ANKS1B: variants seen among roughly 807,000 people sequenced by gnomAD.
ANKS1B encodes ankyrin repeat and sterile alpha motif domain containing 1B.
In ANKS1B, 36 loss-of-function variants were observed where a neutral mutation model predicts 148.3. The observed-to-expected ratio is 0.24, with a 90% confidence interval of 0.19 to 0.32. The LOEUF (loss-of-function observed/expected upper bound fraction) is 0.32. ANKS1B is among the 10% of genes least tolerant of loss of function. The pLI, the probability that ANKS1B is intolerant of heterozygous loss-of-function variation, is 1.00. For missense variants in ANKS1B, 1,157 were observed against 1,542.6 expected (o/e 0.75, Z 4.19); for synonymous variants, 542 against 560.8 (o/e 0.97, Z 0.47).
chr12:99,427,066 T>A (rs2152735199), intron 11 of ANKS1B, among the ~76,000 whole-genome samples: 1 of 152,336 alleles, frequency 6.6e-6, no homozygotes, highest in East Asian at 1.9e-4. Context: ...TACTTCGGAT[T>A]TACCCACCAA....
intron 1 of ANKS1B, among the ~76,000 whole-genome samples, chr12:99,900,143 C>G (rs1207082999): frequency 1.3e-5 from 2 of 151,900 alleles, no homozygotes; most frequent in African/African-American, 4.8e-5. Context: ...AGGTGATCCA[C>G]CTGCCTTGGC....
chr12:99,134,170 G>A (rs559214667), intron 15 of ANKS1B, among the ~76,000 whole-genome samples: 38 of 152,158 alleles, frequency 2.5e-4, no homozygotes, highest in African/African-American at 6.5e-4. Context: ...AAGAAGGAAC[G>A]TGTTACTGTA....
At chr12:99,662,754 G>A (rs1396014631) in intron 8 of ANKS1B, among the ~76,000 whole-genome samples, 2 of 152,058 alleles carry the variant, frequency 1.3e-5, no homozygotes, top group African/African-American at 4.8e-5. Context: ...CTATAGCGGA[G>A]GTGAATGGGC....
At chr12:99,914,412 T>C (rs1291140618) in intron 1 of ANKS1B, among the ~76,000 whole-genome samples, 3 of 152,044 alleles carry the variant, frequency 2.0e-5, no homozygotes, top group Non-Finnish European at 4.4e-5. Context: ...TTGAAAGACA[T>C]GTGGTAATCA....
intron 1 of ANKS1B, among the ~76,000 whole-genome samples, chr12:99,945,733 C>G (rs947692470): frequency 2.6e-5 from 4 of 152,126 alleles, no homozygotes; most frequent in Admixed American, 2.0e-4. Context: ...GGAACACAGA[C>G]TGAGCAGAAA....
At chr12:98,934,281 G>A (rs775068358) in intron 17 of ANKS1B, among the ~76,000 whole-genome samples, 7 of 152,008 alleles carry the variant, frequency 4.6e-5, no homozygotes, top group East Asian at 1.9e-4. Flanking sequence ...TCTTGGCACC[G>A]TTTGTGATGA....
chr12:99,483,739 T>C (rs1245344777), intron 10 of ANKS1B, among the ~76,000 whole-genome samples: 1 of 152,116 alleles, frequency 6.6e-6, no homozygotes, highest in Non-Finnish European at 1.5e-5. Context: ...GTGGTGTATG[T>C]TTCCAGGAAT....
At chr12:98,819,446 ACT>A (rs2099166999) in intron 19 of ANKS1B, among the ~76,000 whole-genome samples, 1 of 152,136 alleles carries the variant, frequency 6.6e-6, no homozygotes, top group Admixed American at 6.5e-5. Flanking sequence ...TCTTAAAAAA[ACT>A]CTTCCCAGCA....
intron 14 of ANKS1B, among the ~76,000 whole-genome samples, chr12:99,227,301 C>A (rs1032451093): frequency 2.0e-5 from 3 of 152,166 alleles, no homozygotes; most frequent in Non-Finnish European, 2.9e-5. Flanking sequence ...CCCGCTTTGA[C>A]ACCCTCTACC....
chr12:98,892,721 A>C (rs778678732), intron 17 of ANKS1B, among the ~76,000 whole-genome samples: 1 of 152,248 alleles, frequency 6.6e-6, no homozygotes, highest in Admixed American at 6.5e-5. Flanking sequence ...ATATCATATT[A>C]AATAATACAC....
chr12:98,857,887 G>A (rs374808071), intron 17 of ANKS1B, among the ~76,000 whole-genome samples: 5 of 152,224 alleles, frequency 3.3e-5, no homozygotes, highest in East Asian at 1.9e-4. Flanking sequence ...GGAAAAGTAC[G>A]TTTATTAACT....
chr12:99,792,983 A>G (rs1434380002), intron 4 of ANKS1B, among the ~76,000 whole-genome samples: 2 of 152,058 alleles, frequency 1.3e-5, no homozygotes, highest in Non-Finnish European at 2.9e-5. Context: ...GAACTGATAA[A>G]CAAATGTAGC....
intron 17 of ANKS1B, among the ~76,000 whole-genome samples, chr12:98,998,446 G>A (rs1261933679): frequency 6.6e-6 from 1 of 152,154 alleles, no homozygotes; most frequent in Non-Finnish European, 1.5e-5. Flanking sequence ...ACCAATGACT[G>A]AGCATTTTAT....
chr12:99,774,182 A>G (rs771529123), intron 7 of ANKS1B, among the ~76,000 whole-genome samples: 21 of 152,124 alleles, frequency 1.4e-4, no homozygotes, highest in Non-Finnish European at 2.8e-4. Context: ...AACAATCAAC[A>G]CACTAAAAAG....
chr12:99,536,214 A>G (rs2097063790), intron 9 of ANKS1B, among the ~76,000 whole-genome samples: 1 of 152,176 alleles, frequency 6.6e-6, no homozygotes, highest in African/African-American at 2.4e-5. Context: ...CCCTAATGCA[A>G]ACTATGAACT....
intron 17 of ANKS1B, among the ~76,000 whole-genome samples, chr12:98,998,836 G>C (rs1490140102): frequency 6.6e-6 from 1 of 152,156 alleles, no homozygotes; most frequent in Non-Finnish European, 1.5e-5. Flanking sequence ...ACGAAGTGAT[G>C]GAACGAGCTC....
intron 14 of ANKS1B, among the ~76,000 whole-genome samples, chr12:99,182,134 A>C (rs2079188165): frequency 6.6e-6 from 1 of 152,168 alleles, no homozygotes. Context: ...GTCAAGGGGA[A>C]GCAAGGCACA....
At chr12:99,121,038 A>G (rs9888407) in intron 15 of ANKS1B, among the ~76,000 whole-genome samples, 10,029 of 152,132 alleles carry the variant, frequency 0.066, 691 homozygotes, top group African/African-American at 0.16. Flanking sequence ...TAAATTAAAA[A>G]TCAGTTGGGT....
intron 14 of ANKS1B, among the ~76,000 whole-genome samples, chr12:99,243,915 T>C (rs1221116057): frequency 6.6e-6 from 1 of 152,120 alleles, no homozygotes; most frequent in Non-Finnish European, 1.5e-5. Flanking sequence ...AAATACCTAA[T>C]GTAAATGACG....
Sources: gnomAD v4.1 joint callset for allele counts (sites outside exome capture counted in the v4.1 genomes callset) on GRCh38, gnomAD v4.1.1 for gene constraint, MANE v1.5 for transcripts, NCBI Gene and HGNC (gene_info 2026-07-23, HGNC 2026-07-21) for gene names.